Variants in LRRC7 observed in about 807,000 individuals in gnomAD.
The protein encoded by LRRC7 is leucine-rich repeat-containing protein 7.
A neutral mutation model predicts 175.7 loss-of-function variants in LRRC7; 23 were observed. The observed-to-expected ratio is 0.13, with a 90% CI of 0.09 to 0.19. The LOEUF is 0.19. Ranked by LOEUF, LRRC7 falls within the 10% of genes least tolerant of loss-of-function variation. The pLI, the probability that LRRC7 is intolerant of heterozygous loss-of-function variation, is 1.00. For missense variants in LRRC7, 1,354 were observed against 1,904.7 expected, an observed-to-expected ratio of 0.71 and a Z score of 5.38; for synonymous variants, 685 against 680.9, an observed-to-expected ratio of 1.01 and a Z score of -0.09.
rs558478953 is a variant in LRRC7, at chr1:69,658,538, C to T, written c.3-19843C>T. 3.6e-4 allele frequency among the ~76,000 whole-genome samples: 54 copies of T among 152,066 alleles called. 1 individual carries two copies. The highest frequency in any genetic ancestry group is 1.2e-3 in the African/African-American group (51 of 41,506). On this transcript the variant is annotated intron_variant, in intron 1 of 26. Coordinates refer to ENST00000651989, the MANE Select transcript of LRRC7 (RefSeq NM_001370785.2). ...GGTAGATTTAACTGTAGAACTTCAGCTCCTGTTTTAGTGGCTGGAAATGGT... is the reference window on the plus strand; with the variant it reads ...GGTAGATTTAACTGTAGAACTTCAGTTCCTGTTTTAGTGGCTGGAAATGGT...
chr1:69,660,427 T>C (rs1359621480), intron 1 of LRRC7, among the ~76,000 whole-genome samples: 2 of 152,114 alleles, frequency 1.3e-5, no homozygotes, highest in Non-Finnish European at 2.9e-5. Flanking sequence ...TACACATTCT[T>C]TCCAAAGCAC....
At chr1:69,839,789 T>C (rs1165756033) in intron 7 of LRRC7, among the ~76,000 whole-genome samples, 1 of 152,082 alleles carries the variant, frequency 6.6e-6, no homozygotes, top group Non-Finnish European at 1.5e-5. Flanking sequence ...GGTTTTCAAA[T>C]ATATATCTTT....
intron 1 of LRRC7, 69 bp downstream of exon 1, chr1:69,568,710 G>C (rs535461896): frequency 1.1e-6 from 1 of 894,942 alleles, no homozygotes. Flanking sequence ...CCGTAGGCGC[G>C]CGAGGTGTGG....
chr1:69,755,014 A>G (rs1392204802), intron 2 of LRRC7, among the ~76,000 whole-genome samples: 1 of 151,936 alleles, frequency 6.6e-6, no homozygotes, highest in Non-Finnish European at 1.5e-5. Context: ...AGAAAGTGAC[A>G]CCTCGAAAAA....
chr1:69,704,632 T>G (rs61783984), intron 2 of LRRC7, among the ~76,000 whole-genome samples: 15,359 of 151,964 alleles, frequency 0.1, 1,259 homozygotes, highest in African/African-American at 0.22. Context: ...ATTCTGTTTA[T>G]AAATATGATC....
chr1:69,707,502 T>C lies in LRRC7; in HGVS notation c.100+29024T>C, dbSNP rs894452303. ...CCTGTTTTATTTCTTTACTCTTTTA[T>C]TGGTGTTTCCTGGTATTCCCTCCCA... is the stretch of plus-strand genomic sequence containing the variant. On this transcript the variant is annotated intron_variant, in intron 2 of 26. Transcript: ENST00000651989. Among the ~76,000 whole-genome samples, 3 of 152,246 alleles carry C rather than the reference T, an allele frequency of 2.0e-5. No homozygotes were observed. The South Asian group carries it at 6.2e-4, about 32-fold the overall frequency.
At chr1:69,916,496 C>T (rs1646721950) in intron 7 of LRRC7, among the ~76,000 whole-genome samples, 1 of 151,468 alleles carries the variant, frequency 6.6e-6, no homozygotes, top group African/African-American at 2.4e-5. Flanking sequence ...TAGCTCCATG[C>T]ATATTCCACA....
intron 2 of LRRC7, among the ~76,000 whole-genome samples, chr1:69,741,884 G>T (rs991073548): frequency 2.0e-5 from 3 of 151,814 alleles, no homozygotes; most frequent in Non-Finnish European, 4.4e-5. Context: ...AGATACAAAC[G>T]CAAATCTGAT....
At chr1:69,881,547 C>A (rs1340486597) in intron 7 of LRRC7, among the ~76,000 whole-genome samples, 1 of 151,910 alleles carries the variant, frequency 6.6e-6, no homozygotes, top group African/African-American at 2.4e-5. Flanking sequence ...CTAACTCAAA[C>A]AAAAAGGTTT....
At chr1:70,017,201 G>A (rs1657041039) in intron 14 of LRRC7, among the ~76,000 whole-genome samples, 1 of 151,534 alleles carries the variant, frequency 6.6e-6, no homozygotes, top group Admixed American at 6.6e-5. Flanking sequence ...CTTGAACCCG[G>A]GGGGCACAGG....
At chr1:69,611,139 A>C (rs1648658879) in intron 1 of LRRC7, among the ~76,000 whole-genome samples, 1 of 152,038 alleles carries the variant, frequency 6.6e-6, no homozygotes, top group South Asian at 2.1e-4. Context: ...CTTTTGACCA[A>C]TGATTTTAAC....
At chr1:69,933,205 C>A (rs1242099902) in intron 8 of LRRC7, among the ~76,000 whole-genome samples, 1 of 152,218 alleles carries the variant, frequency 6.6e-6, no homozygotes, top group Non-Finnish European at 1.5e-5. Context: ...CCAGAGACTT[C>A]TTTGCCTGTC....
chr1:69,805,167 T>C (rs1343344251), intron 4 of LRRC7, among the ~76,000 whole-genome samples: 3 of 151,770 alleles, frequency 2.0e-5, no homozygotes, highest in Admixed American at 6.6e-5. Context: ...CATTATTATG[T>C]GTTTTACCAA....
In LRRC7 at chr1:69,987,613, A is replaced by G. The variant is rs184492298; in HGVS notation, c.931+1227A>G. The stretch of plus-strand genomic sequence containing the variant: ...TTCACTAGCTCCACATATGAGTTGT[A>G]AATTTTTAATCATTATTAAGTTCCA... On this transcript the variant is annotated intron_variant, in intron 10 of 26. Coordinates refer to ENST00000651989, the MANE Select transcript of LRRC7 (RefSeq NM_001370785.2). 1.5e-3 allele frequency among the ~76,000 whole-genome samples: 224 copies of G among 152,334 alleles called. 2 individuals carry two copies. The highest frequency in any genetic ancestry group is 0.012 in the Admixed American group (180 of 15,296).
chr1:69,723,578 A>G (rs1666602314), intron 2 of LRRC7, among the ~76,000 whole-genome samples: 1 of 152,208 alleles, frequency 6.6e-6, no homozygotes, highest in African/African-American at 2.4e-5. Context: ...ATGACTATTC[A>G]TTTCATATGA....
rs185089649 is a variant in LRRC7, at chr1:70,134,509, C to T, written c.*12622C>T. On this transcript the variant is annotated 3_prime_UTR_variant, in exon 27 of 27. Transcript: ENST00000651989. ...CCTACTTATATGGGTTTCAGGTGTT[C>T]CCCTGCCAACCATTTAATCTTTTTT... 2.6e-5 allele frequency among the ~76,000 whole-genome samples: 4 copies of T among 152,288 alleles called. No individual in the cohort carries two copies. Among genetic ancestry groups the T allele is most frequent in the Non-Finnish European group, 4.4e-5 (3 of 68,014 alleles).
At position 69,903,288 on chromosome 1, in the gene LRRC7, A is replaced by C. The variant is rs986855467; in HGVS notation, c.648-28219A>C. On this transcript the variant is annotated intron_variant, in intron 7 of 26. Coordinates refer to ENST00000651989, the MANE Select transcript of LRRC7 (RefSeq NM_001370785.2). ...CCAACTGAGGTACTCAGTTCATCTC[A>C]CTGGGACTGGTTAGACAGTGGTTGC... Among the ~76,000 whole-genome samples the C allele has an allele frequency of 2.0e-5, 3 of 152,092 alleles. No homozygotes were observed. The South Asian group carries it at 6.2e-4, about 32-fold the overall frequency.
At chr1:69,809,182 G>A (rs2101131660) in intron 4 of LRRC7, among the ~76,000 whole-genome samples, 1 of 152,168 alleles carries the variant, frequency 6.6e-6, no homozygotes, top group African/African-American at 2.4e-5. Flanking sequence ...AGAAGAAATG[G>A]ATAAATTCCT....
chr1:69,904,386 A>G (rs1320045989), intron 7 of LRRC7, among the ~76,000 whole-genome samples: 1 of 152,158 alleles, frequency 6.6e-6, no homozygotes, highest in Non-Finnish European at 1.5e-5. Context: ...ATGTAGAATC[A>G]CAGACATGGT....
Sources: allele counts gnomAD v4.1 joint callset (sites outside exome capture counted in the v4.1 genomes callset), GRCh38; gene constraint gnomAD v4.1.1; transcripts MANE v1.5; gene names NCBI Gene and HGNC (gene_info 2026-07-23, HGNC 2026-07-21).